The following RAB33A variants were observed in gnomAD, a reference collection of about 807,000 sequenced individuals.
RAB33A encodes ras-related protein Rab-33A.
Under a neutral mutation model 12.0 loss-of-function variants are expected in RAB33A, and 6 were observed. The observed-to-expected ratio is 0.50, with a 90% confidence interval of 0.27 to 0.99. RAB33A has a LOEUF of 0.99. Ranked by LOEUF, RAB33A falls within the 50% of genes least tolerant of loss-of-function variation. RAB33A has a pLI of 0.11. For missense variants in RAB33A, 109 were observed against 192.0 expected, an observed-to-expected ratio of 0.57 and a Z score of 2.55; for synonymous variants, 70 against 82.4, an observed-to-expected ratio of 0.85 and a Z score of 0.81.
chrX:130,164,443 CT>C, the RAB33A span, among the ~76,000 whole-genome samples: 5 of 112,592 alleles, frequency 4.4e-5, no homozygotes, highest in African/African-American at 1.6e-4. Flanking sequence ...ATATTTTCCA[CT>C]TTTTATTTTT....
At chrX:130,120,016 C>T in the RAB33A span, among the ~76,000 whole-genome samples, 6 of 111,537 alleles carry the variant, frequency 5.4e-5, no homozygotes, top group African/African-American at 2.0e-4. Context: ...CAGGTTCTGG[C>T]CACAAGGTTA....
the RAB33A span, among the ~76,000 whole-genome samples, chrX:130,127,691 C>T: frequency 1.7e-4 from 13 of 76,988 alleles, no homozygotes; most frequent in Admixed American, 3.3e-4. Context: ...ATGAGTTTTC[C>T]TTTTTTTTTT....
At chrX:130,140,213 C>T in the RAB33A span, among the ~76,000 whole-genome samples, 3 of 112,536 alleles carry the variant, frequency 2.7e-5, no homozygotes, top group South Asian at 1.1e-3. Context: ...TGTCTCCTCT[C>T]TTGGTTTCTG....
chrX:130,153,352 C>CAA, the RAB33A span, among the ~76,000 whole-genome samples: 132 of 42,840 alleles, frequency 3.1e-3, 1 homozygote, highest in African/African-American at 0.012. Flanking sequence ...GACTCCGTTT[C>CAA]AAAAAAAAAA....
At chrX:130,152,415 G>A in the RAB33A span, among the ~76,000 whole-genome samples, 1 of 111,800 alleles carries the variant, frequency 8.9e-6, no homozygotes, top group African/African-American at 3.3e-5. Flanking sequence ...CTCCTAGTTT[G>A]CACAGATTTC....
rs758138465 is a variant in RAB33A, at chrX:130,184,374, C to G, written c.348C>G (p.Val116=). The stretch of plus-strand genomic sequence containing the variant: ...GCAACGTACATGCCGTGGTCTTCGT[C>G]TATGACGTCACCAAGATGACATCTT... The part of the protein sequence containing the change: ...YYRNVHAVVF[V]YDVTKMTSFT... The change falls in exon 2 of 2, where the codon GTC becomes GTG. Residue 116 remains valine (V), a synonymous_variant. Transcript: ENST00000257017. The G allele has an allele frequency of 7.4e-6, 9 of 1,210,377 alleles. No homozygotes were observed. In the East Asian group the frequency reaches 2.7e-4, roughly 36 times the overall value.
At chrX:130,137,810 C>A in the RAB33A span, 2 of 897,419 alleles carry the variant, frequency 2.2e-6, no homozygotes, top group South Asian at 4.6e-5. Context: ...CACCTATAAT[C>A]CCAGCACTTT....
chrX:130,168,479 G>A (rs1474306605), upstream of RAB33A, among the ~76,000 whole-genome samples: 2 of 111,263 alleles, frequency 1.8e-5, no homozygotes, highest in Non-Finnish European at 3.8e-5. Context: ...CTCCCAAAGT[G>A]CTTGGATTAC....
chrX:130,130,146 T>C, the RAB33A span: 2 of 1,210,024 alleles, frequency 1.7e-6, no homozygotes, highest in Non-Finnish European at 2.2e-6. Flanking sequence ...TCTGTCTCAC[T>C]CTCTGATCGG....
At chrX:130,138,457 TC>T in the RAB33A span, 2 of 511,222 alleles carry the variant, frequency 3.9e-6, no homozygotes, top group Non-Finnish European at 6.7e-6. Flanking sequence ...AGAGCGAGAC[TC>T]CATCTCAAAA....
chrX:130,168,110 G>A (rs2046270121), upstream of RAB33A, among the ~76,000 whole-genome samples: 1 of 110,150 alleles, frequency 9.1e-6, no homozygotes, highest in Non-Finnish European at 1.9e-5. Flanking sequence ...CTAGGAGATC[G>A]AGACTGCAGT....
At position 130,172,233 on chromosome X, in the gene RAB33A, C is replaced by T; in HGVS notation, c.171C>T (p.Cys57=). 4 of 1,212,206 alleles carry T rather than the reference C, an allele frequency of 3.3e-6. No homozygotes were observed. Among genetic ancestry groups the T allele is most frequent in the Non-Finnish European group, 4.5e-6 (4 of 895,529 alleles). The stretch of plus-strand genomic sequence containing the variant: ...AGACCTGCCTGACCTTCCGCTTCTG[C>T]GGGGGTACCTTCCCAGACAAGACTG... The part of the protein sequence containing the change: ...VGKTCLTFRF[C]GGTFPDKTEA... Residue 57 remains cysteine, a synonymous_variant, in exon 1 of 2, where the codon TGC becomes TGT. Coordinates refer to ENST00000257017, the MANE Select transcript of RAB33A (RefSeq NM_004794.3).
chrX:130,111,349 G>T, the RAB33A span, among the ~76,000 whole-genome samples: 7 of 112,836 alleles, frequency 6.2e-5, no homozygotes, highest in African/African-American at 2.2e-4. Context: ...GTTTCGTCCA[G>T]CCCCCTCGGC....
At chrX:130,178,940 C>T (rs1173525999) in intron 1 of RAB33A, among the ~76,000 whole-genome samples, 14 of 106,325 alleles carry the variant, frequency 1.3e-4, no homozygotes, top group African/African-American at 4.1e-4. Context: ...GCGTGAGCCA[C>T]CGCGCCCGGC....
the RAB33A span, among the ~76,000 whole-genome samples, chrX:130,143,948 G>A: frequency 9.0e-6 from 1 of 111,582 alleles, no homozygotes; most frequent in Non-Finnish European, 1.9e-5. Context: ...ACAGACCCGG[G>A]CTCAAATTCT....
chrX:130,160,911 TAAATA>T, the RAB33A span, among the ~76,000 whole-genome samples: 3 of 109,136 alleles, frequency 2.7e-5, no homozygotes, highest in African/African-American at 1.0e-4. Flanking sequence ...AATAAATAAA[TAAATA>T]AAATGAAAAA....
At chrX:130,162,520 A>C in the RAB33A span, among the ~76,000 whole-genome samples, 2 of 112,299 alleles carry the variant, frequency 1.8e-5, no homozygotes, top group East Asian at 5.5e-4. Context: ...CATTTCTAGA[A>C]AATGTAACTT....
At chrX:130,182,161 T>A (rs867839046) in intron 1 of RAB33A, among the ~76,000 whole-genome samples, 616 of 44,253 alleles carry the variant, frequency 0.014, 8 homozygotes, top group African/African-American at 0.034. Context: ...AAAAAAAATA[T>A]ATATATATAT....
At chrX:130,145,304 C>T in the RAB33A span, among the ~76,000 whole-genome samples, 4 of 111,919 alleles carry the variant, frequency 3.6e-5, no homozygotes, top group African/African-American at 1.3e-4. Context: ...GGCTTTGATA[C>T]TAGTGCTTTC....
Sources: gnomAD v4.1 joint callset for allele counts (sites outside exome capture counted in the v4.1 genomes callset) on GRCh38, gnomAD v4.1.1 for gene constraint, MANE v1.5 for transcripts, NCBI Gene and HGNC (gene_info 2026-07-23, HGNC 2026-07-21) for gene names.